The following PSMD6 variants were observed in gnomAD, a reference collection of about 807,000 sequenced individuals.
The protein encoded by PSMD6 is proteasome 26S subunit, non-ATPase 6.
PSMD6 carries 7 observed loss-of-function variants against 44.9 expected under a neutral mutation model. The observed-to-expected ratio is 0.16, with a 90% CI of 0.09 to 0.29. The LOEUF is 0.29. Among genes scored for constraint, PSMD6 ranks in the 10% least tolerant of loss-of-function variants. PSMD6 has a pLI of 1.00. For missense variants in PSMD6, 420 were observed against 482.6 expected, an observed-to-expected ratio of 0.87 and a Z score of 1.21; for synonymous variants, 184 against 172.7, an observed-to-expected ratio of 1.07 and a Z score of -0.51.
At chr3:64,016,961 T>C (rs979382508) in intron 5 of PSMD6, 2 of 152,042 alleles carry the variant, frequency 1.3e-5, no homozygotes, top group South Asian at 4.3e-4. Flanking sequence ...CAACAGACTA[T>C]CATTTGGCTA....
intron 5 of PSMD6, 162 bp from the exon 6 acceptor site, chr3:64,013,769 G>T: frequency 1.7e-6 from 1 of 583,818 alleles, no homozygotes. Flanking sequence ...AGCAACAGCA[G>T]TGATAAAGGA....
At chr3:64,019,097 C>T in intron 3 of PSMD6, 60 bp from the exon 4 acceptor site, 1 of 1,483,696 alleles carries the variant, frequency 6.7e-7, no homozygotes, top group South Asian at 1.2e-5. Context: ...GTTTTAAAAA[C>T]TTGTCTGTTA....
upstream of PSMD6, chr3:64,023,921 A>G: frequency 8.5e-7 from 1 of 1,175,748 alleles, no homozygotes; most frequent in Non-Finnish European, 1.2e-6. Context: ...AGGTTAGGGA[A>G]ACAGACCAAC....
intron 6 of PSMD6, chr3:64,013,237 C>CTGTT (rs1215112878): frequency 3.1e-5 from 15 of 478,478 alleles, no homozygotes; most frequent in African/African-American, 4.0e-5. Context: ...ATCTTCCCAT[C>CTGTT]TGTTAATGCA....
chr3:64,023,302 C>T lies in PSMD6; in HGVS notation c.118G>A (p.Glu40Lys), dbSNP rs371812409. The T allele has an allele frequency of 1.8e-5, 29 of 1,583,338 alleles. No individual in the cohort carries two copies. The highest frequency in any genetic ancestry group is 2.7e-5 in the African/African-American group (2 of 74,168). Residue 40 changes from glutamate to lysine, a missense_variant, in exon 1 of 8, where the codon GAG becomes AAG. By Grantham distance (56) the Glu-to-Lys change is moderately conservative. This residue lies in a region of PSMD6 where 136 missense variants were observed against 124.2 expected (regional missense o/e 1.09). Coordinates refer to ENST00000295901, the MANE Select transcript of PSMD6 (RefSeq NM_014814.3). ...TTATCGCGGACGGCCGCCATCAGCTCGTCGCGCACGGCAGCGTCTCCGCGG... is the reference window on the plus strand; with the variant it reads ...TTATCGCGGACGGCCGCCATCAGCTTGTCGCGCACGGCAGCGTCTCCGCGG... ...EHRGDAAVRD[E>K]LMAAVRDNNM...
intron 5 of PSMD6, 83 bp downstream of exon 5, chr3:64,018,516 T>G (rs2076082613): frequency 6.9e-6 from 7 of 1,008,464 alleles, no homozygotes; most frequent in East Asian, 2.5e-5. Context: ...CTCAGATAGG[T>G]GAAAAATCGT....
intron 5 of PSMD6, chr3:64,014,874 G>A (rs923901660): frequency 2.0e-5 from 3 of 152,264 alleles, no homozygotes; most frequent in African/African-American, 7.2e-5. Context: ...ATGGCACAAA[G>A]TGAAGATAAG....
chr3:64,019,318 G>A lies in PSMD6; in HGVS notation c.475C>T (p.Arg159Ter), dbSNP rs1351129846. 1 of 1,587,548 alleles carries A rather than the reference G, an allele frequency of 6.3e-7. No homozygotes were observed. Among genetic ancestry groups the A allele is most frequent in the Admixed American group, 1.7e-5 (1 of 59,882 alleles). The change falls in exon 3 of 8, where the codon CGA (arginine) becomes TGA (stop). Residue 159 changes from arginine to a stop codon, truncating the protein, a stop_gained. Coordinates refer to ENST00000295901, the MANE Select transcript of PSMD6 (RefSeq NM_014814.3). LOFTEE classifies it high-confidence loss of function. ...LFYMDNDLITRNTEKAKSLIE... is the reference protein window; with the variant it reads ...LFYMDNDLIT ...TACCTTTTGGCCTTTTCTGTGTTTC[G>A]TGTGATGAGATCATTATCCATATAA...
chr3:64,023,724 T>C, upstream of PSMD6: 1 of 1,489,478 alleles, frequency 6.7e-7, no homozygotes, highest in Non-Finnish European at 9.0e-7. Flanking sequence ...TTAGCTATTT[T>C]ACTTTCCGTT....
chr3:64,023,912 G>C (rs1230560646), upstream of PSMD6: 2 of 1,319,464 alleles, frequency 1.5e-6, no homozygotes, highest in African/African-American at 1.5e-5. Context: ...GGCACAAAGA[G>C]GTTAGGGAAA....
rs143013973 is a variant in PSMD6, at chr3:64,012,979, G to GTATT, written c.995+456_995+459dup. On this transcript the variant is annotated intron_variant, in intron 6 of 7. Coordinates refer to ENST00000295901, the MANE Select transcript of PSMD6 (RefSeq NM_014814.3). ...CATATAGTAATGAATGGCTCATTAAGTATTTATTTGTTTAATCACTGATGC... is the reference window on the plus strand; with the variant it reads ...CATATAGTAATGAATGGCTCATTAAGTATTTATTTATTTGTTTAATCACTGATGC... The GTATT allele has an allele frequency of 1.9e-3, 287 of 153,022 alleles. 1 individual carries two copies. Among genetic ancestry groups the GTATT allele is most frequent in the East Asian group, 0.014 (73 of 5,194 alleles). 9.5% of individuals were successfully genotyped at this position (153,022 alleles called of 1,614,324 possible). A position where few individuals can be genotyped will look rare whatever the true frequency, so the allele number is the denominator to read the frequency against.
upstream of PSMD6, chr3:64,023,807 T>G: frequency 1.4e-6 from 2 of 1,478,648 alleles, no homozygotes; most frequent in Non-Finnish European, 1.8e-6. Flanking sequence ...ACAATCACCA[T>G]AGTTTGTCGA....
chr3:64,021,102 G>T (rs559128303), intron 2 of PSMD6, among the ~76,000 whole-genome samples: 1 of 151,594 alleles, frequency 6.6e-6, no homozygotes, highest in Non-Finnish European at 1.5e-5. Flanking sequence ...TCATTGTCCC[G>T]GCGATTTTGT....
At position 64,023,372 on chromosome 3, in the gene PSMD6, G is replaced by A. The variant is rs2076164887; in HGVS notation, c.48C>T (p.Asp16=). The stretch of plus-strand genomic sequence containing the variant: ...GGAAGCGCAGCTGCGCGATACGCAA[G>A]TCGGGGTTCTTGGGCAGACCCTCCT... ...LEEEGLPKNP[D]LRIAQLRFLL... Residue 16 remains aspartate (D), a synonymous_variant, in exon 1 of 8, where the codon GAC becomes GAT. Coordinates refer to ENST00000295901, the MANE Select transcript of PSMD6 (RefSeq NM_014814.3). 1 of 1,612,702 alleles carries A rather than the reference G, an allele frequency of 6.2e-7. No homozygotes were observed. The highest frequency in any genetic ancestry group is 1.7e-4 in the Middle Eastern group (1 of 6,056).
chr3:64,014,416 A>G (rs1264194861), intron 5 of PSMD6: 1 of 152,164 alleles, frequency 6.6e-6, no homozygotes, highest in Admixed American at 6.5e-5. Flanking sequence ...TAAAAGTAAC[A>G]TGATAGAGTG....
In PSMD6 at chr3:64,016,250, G is replaced by A. The variant is rs571070476; in HGVS notation, c.826+2349C>T. On this transcript the variant is annotated intron_variant, in intron 5 of 7. Coordinates refer to ENST00000295901, the MANE Select transcript of PSMD6 (RefSeq NM_014814.3). ...GATATAAAACAATATTAAAATCACC[G>A]TCTCAGGAAAAATTTTATATGTGAG... The A allele has an allele frequency of 4.7e-4, 71 of 152,072 alleles. 1 individual carries two copies. The highest frequency in any genetic ancestry group is 1.5e-3 in the African/African-American group (64 of 41,490). The allele number at this position is 152,072 out of a possible 1,614,324, so 9.4% of individuals were successfully genotyped here. A position where few individuals can be genotyped will look rare whatever the true frequency, so the allele number is the denominator to read the frequency against.
At chr3:64,016,767 T>C (rs1304859084) in intron 5 of PSMD6, 2 of 152,166 alleles carry the variant, frequency 1.3e-5, no homozygotes, top group African/African-American at 2.4e-5. Flanking sequence ...TTTAGAAAAC[T>C]GGCAGTTCCT....
chr3:64,013,646 G>GTTTCAGAT (rs1559673987), intron 5 of PSMD6, 39 bp from the exon 6 acceptor site: 2 of 1,525,808 alleles, frequency 1.3e-6, no homozygotes, highest in South Asian at 2.5e-5. Flanking sequence ...TAGACTCTCC[G>GTTTCAGAT]TTTCAGATAA....
In PSMD6 at chr3:64,022,502, G is replaced by T. The variant is rs773555838; in HGVS notation, c.167C>A (p.Ala56Asp). 3 of 1,613,794 alleles carry T rather than the reference G, an allele frequency of 1.9e-6. No individual in the cohort carries two copies. Among genetic ancestry groups the T allele is most frequent in the Middle Eastern group, 1.6e-4 (1 of 6,084 alleles). ...RDNNMAPYYE[A>D]LCKSLDWQID... The stretch of plus-strand genomic sequence containing the variant: ...CTGCCAGTCGAGGGATTTGCACAAG[G>T]CTTCATAGTAAGGAGCCATGTCTAA... Residue 56 changes from alanine (A) to aspartate (D), a missense_variant, in exon 2 of 8, where the codon GCC (alanine) becomes GAC (aspartate). Physicochemically the swap from Ala to Asp is moderately radical, Grantham distance 126. Around this residue, in one of 4 missense-constraint regions of PSMD6, gnomAD observed 136 missense variants for 124.2 expected, o/e 1.09. Transcript: ENST00000295901.
Sources: allele counts gnomAD v4.1 joint callset (sites outside exome capture counted in the v4.1 genomes callset), GRCh38; gene constraint gnomAD v4.1.1; regional missense constraint gnomAD v4.1.1; transcripts MANE v1.5; gene names NCBI Gene and HGNC (gene_info 2026-07-23, HGNC 2026-07-21).